Variants in LUZP2 observed in about 807,000 individuals in gnomAD.
The protein encoded by LUZP2 is leucine zipper protein 2.
A neutral mutation model predicts 51.6 loss-of-function variants in LUZP2; 52 were observed. The observed-to-expected ratio is 1.01, with a 90% CI of 0.81 to 1.27. The LOEUF is 1.27. Among genes scored for constraint, LUZP2 ranks in the 50% most tolerant of loss-of-function variants. The pLI is 0.00. For missense variants in LUZP2, 436 were observed against 395.4 expected (o/e 1.10, Z -0.87); for synonymous variants, 154 against 137.3 (o/e 1.12, Z -0.85).
At chr11:24,742,959 C>T (rs1859240654) in intron 4 of LUZP2, among the ~76,000 whole-genome samples, 1 of 151,998 alleles carries the variant, frequency 6.6e-6, no homozygotes, top group African/African-American at 2.4e-5. Flanking sequence ...TGTCCTTTCC[C>T]CACTTTATAT....
intron 4 of LUZP2, among the ~76,000 whole-genome samples, chr11:24,742,512 A>G (rs1000177877): frequency 4.0e-5 from 6 of 151,852 alleles, no homozygotes; most frequent in African/African-American, 1.4e-4. Context: ...TTTGAGAATT[A>G]TCTATTCATG....
At chr11:24,587,264 G>A (rs974133481) in intron 1 of LUZP2, among the ~76,000 whole-genome samples, 1 of 152,124 alleles carries the variant, frequency 6.6e-6, no homozygotes, top group Non-Finnish European at 1.5e-5. Flanking sequence ...GAAAGCCTTG[G>A]AGAGAGATTC....
chr11:24,664,830 G>T (rs1035486353), intron 1 of LUZP2, among the ~76,000 whole-genome samples: 1 of 152,278 alleles, frequency 6.6e-6, no homozygotes, highest in East Asian at 1.9e-4. Context: ...ATGCCTGGAT[G>T]TCCAGGCAGG....
chr11:24,722,260 G>A (rs1858302398), intron 1 of LUZP2, among the ~76,000 whole-genome samples: 1 of 152,144 alleles, frequency 6.6e-6, no homozygotes, highest in South Asian at 2.1e-4. Flanking sequence ...TCATGCTGCT[G>A]ATAAAGACAT....
intron 1 of LUZP2, among the ~76,000 whole-genome samples, chr11:24,699,868 T>G (rs1857370962): frequency 6.6e-6 from 1 of 150,522 alleles, no homozygotes; most frequent in African/African-American, 2.4e-5. Context: ...AAATGAAGAG[T>G]TTTGAACACA....
At chr11:24,619,138 C>T (rs947838332) in intron 1 of LUZP2, among the ~76,000 whole-genome samples, 3 of 152,024 alleles carry the variant, frequency 2.0e-5, no homozygotes, top group Admixed American at 6.6e-5. Context: ...AGGCTATCCC[C>T]CTGCTTCAGC....
intron 7 of LUZP2, among the ~76,000 whole-genome samples, chr11:24,954,340 C>G (rs1440546031): frequency 2.0e-5 from 3 of 152,032 alleles, no homozygotes; most frequent in African/African-American, 7.2e-5. Context: ...GAGCATGACA[C>G]TTTCCACAGT....
At chr11:24,999,156 A>G (rs1425905182) in intron 9 of LUZP2, among the ~76,000 whole-genome samples, 4 of 152,188 alleles carry the variant, frequency 2.6e-5, no homozygotes, top group Non-Finnish European at 4.4e-5. Flanking sequence ...TGAATGTCTC[A>G]TGCCTAAGAA....
chr11:24,837,954 T>C (rs568682483), intron 5 of LUZP2, among the ~76,000 whole-genome samples: 34 of 151,850 alleles, frequency 2.2e-4, no homozygotes, highest in South Asian at 1.9e-3. Context: ...TGCATGATTA[T>C]TCTCTATAAG....
chr11:24,726,230 A>G (rs1858470061), intron 1 of LUZP2, among the ~76,000 whole-genome samples: 1 of 152,178 alleles, frequency 6.6e-6, no homozygotes, highest in South Asian at 2.1e-4. Flanking sequence ...AGTAAATACA[A>G]ATTACATCAG....
intron 9 of LUZP2, among the ~76,000 whole-genome samples, chr11:25,040,741 G>A (rs1858029023): frequency 6.6e-6 from 1 of 152,096 alleles, no homozygotes; most frequent in South Asian, 2.1e-4. Context: ...GATGAAAGGG[G>A]CATTGTCTTT....
At chr11:24,575,571 A>G (rs975425365) in intron 1 of LUZP2, among the ~76,000 whole-genome samples, 10 of 152,142 alleles carry the variant, frequency 6.6e-5, no homozygotes, top group African/African-American at 2.2e-4. Flanking sequence ...AGCAATTGCT[A>G]TGTGTTTTTT....
chr11:24,997,691 G>C (rs1168393448), intron 9 of LUZP2, among the ~76,000 whole-genome samples: 1 of 151,954 alleles, frequency 6.6e-6, no homozygotes, highest in Non-Finnish European at 1.5e-5. Context: ...TGAAGTCCTT[G>C]CCCATGCCTA....
chr11:25,049,699 A>T (rs1858431035), intron 9 of LUZP2, among the ~76,000 whole-genome samples: 1 of 152,130 alleles, frequency 6.6e-6, no homozygotes, highest in Non-Finnish European at 1.5e-5. Context: ...AATAAAAAGA[A>T]AGGACAGGAT....
intron 1 of LUZP2, among the ~76,000 whole-genome samples, chr11:24,619,439 A>G (rs908556252): frequency 5.3e-5 from 8 of 152,186 alleles, no homozygotes; most frequent in African/African-American, 1.7e-4. Context: ...CTTATCCTTA[A>G]AATACCTATC....
intron 5 of LUZP2, among the ~76,000 whole-genome samples, chr11:24,791,807 A>G (rs1849417340): frequency 1.3e-5 from 2 of 152,146 alleles, no homozygotes; most frequent in African/African-American, 2.4e-5. Context: ...GAGTTTTGCA[A>G]TTATCAGAAA....
intron 1 of LUZP2, among the ~76,000 whole-genome samples, chr11:24,609,121 A>G (rs1437792533): frequency 6.6e-6 from 1 of 152,168 alleles, no homozygotes; most frequent in Non-Finnish European, 1.5e-5. Flanking sequence ...TGATAGGCTT[A>G]GTAGACTACC....
chr11:25,051,901 T>G (rs529598717), intron 10 of LUZP2, among the ~76,000 whole-genome samples: 1 of 152,324 alleles, frequency 6.6e-6, no homozygotes, highest in East Asian at 1.9e-4. Flanking sequence ...CTCCTTCAAA[T>G]CATAAATTGA....
rs374917376 is a variant in LUZP2, at chr11:24,607,214, A to G, written c.62+109909A>G. ...TCAAATCCAAAAAAAAAAATTGTCA[A>G]AAACAATGTTAAGTAGCTTTTCTCC... is the stretch of plus-strand genomic sequence containing the variant. On this transcript the variant is annotated intron_variant, in intron 1 of 11. Transcript: ENST00000336930. 2.8e-4 allele frequency among the ~76,000 whole-genome samples: 43 copies of G among 151,896 alleles called. No homozygotes were observed. The East Asian group carries it at 6.4e-3, about 23-fold the overall frequency.
Sources: allele counts gnomAD v4.1 joint callset (sites outside exome capture counted in the v4.1 genomes callset), GRCh38; gene constraint gnomAD v4.1.1; transcripts MANE v1.5; gene names NCBI Gene and HGNC (gene_info 2026-07-23, HGNC 2026-07-21).